Variants in MAN2A1 observed in about 807,000 individuals in gnomAD.
MAN2A1 encodes alpha-mannosidase 2.
MAN2A1 carries 76 observed loss-of-function variants against 142.6 expected under a neutral mutation model. The observed-to-expected ratio is 0.53, with a 90% CI of 0.44 to 0.65. The LOEUF (loss-of-function observed/expected upper bound fraction) is 0.65. Ranked by LOEUF, MAN2A1 falls within the 30% of genes least tolerant of loss-of-function variation. The pLI is 0.00. For synonymous variants in MAN2A1, 559 were observed against 473.2 expected, an observed-to-expected ratio of 1.18 and a Z score of -2.35; for missense variants, 1,311 against 1,365.1, an observed-to-expected ratio of 0.96 and a Z score of 0.62.
intron 4 of MAN2A1, among the ~76,000 whole-genome samples, chr5:109,732,265 C>T (rs1751936907): frequency 6.6e-6 from 1 of 151,016 alleles, no homozygotes; most frequent in African/African-American, 2.4e-5. Flanking sequence ...GATATTAGCC[C>T]TTTGTCAGAT....
rs151152265 is a variant in MAN2A1 at position 109,836,368 on chromosome 5, G to A, written c.2567-5960G>A. On this transcript the variant is annotated intron_variant, in intron 16 of 21. Transcript: ENST00000261483. ...TGACTTCACATGATCCACCCACCTC[G>A]GCCTCCCAAAGTACTGGAATTACAG... 9.7e-3 allele frequency among the ~76,000 whole-genome samples: 1,471 copies of A among 151,286 alleles called. 23 individuals are homozygous for A. Among genetic ancestry groups the A allele is most frequent in the African/African-American group, 0.034 (1,386 of 41,182 alleles).
At chr5:109,749,114 G>A (rs79356121) in intron 4 of MAN2A1, among the ~76,000 whole-genome samples, 4,609 of 152,044 alleles carry the variant, frequency 0.03, 86 homozygotes, top group Non-Finnish European at 0.042. Flanking sequence ...AATTCAGCTG[G>A]TTTTCTCATG....
intron 4 of MAN2A1, among the ~76,000 whole-genome samples, chr5:109,735,830 A>G (rs1465666877): frequency 6.7e-6 from 1 of 148,544 alleles, no homozygotes; most frequent in East Asian, 2.0e-4. Context: ...TGATGTAAAC[A>G]TTTAAAGATA....
At chr5:109,784,653 T>G (rs1265923848) in intron 9 of MAN2A1, 91 bp from the exon 10 acceptor site, 41 of 1,007,946 alleles carry the variant, frequency 4.1e-5, no homozygotes, top group Non-Finnish European at 5.5e-5. Flanking sequence ...AATTATGGAT[T>G]AAAAAATTTG....
At chr5:109,780,870 C>G (rs1258010000) in intron 8 of MAN2A1, among the ~76,000 whole-genome samples, 2 of 152,062 alleles carry the variant, frequency 1.3e-5, no homozygotes, top group Non-Finnish European at 1.5e-5. Context: ...ACCTGCTGTT[C>G]TTAAAGTCCC....
chr5:109,707,364 T>C (rs1751163010), intron 1 of MAN2A1, among the ~76,000 whole-genome samples: 1 of 152,198 alleles, frequency 6.6e-6, no homozygotes, highest in Non-Finnish European at 1.5e-5. Context: ...GAAAAAAATG[T>C]TACATGCCAT....
chr5:109,755,454 T>G lies in MAN2A1; in HGVS notation c.833T>G (p.Ile278Arg). ...IEGHQWLENN[I>R]GVKPRSGWAI... Reference sequence around the variant, plus strand: ...GGACATCAGTGGCTGGAAAATAATATAGGTATGTATTGGTATATTCTTTAT... The same window carrying G: ...GGACATCAGTGGCTGGAAAATAATAGAGGTATGTATTGGTATATTCTTTAT... Residue 278 changes from isoleucine to arginine, a missense_variant and splice_region_variant, in exon 5 of 22, where the codon ATA becomes AGA. This residue lies in a region of MAN2A1 where 409 missense variants were observed against 412.7 expected (regional missense o/e 0.99). Coordinates refer to ENST00000261483, the MANE Select transcript of MAN2A1 (RefSeq NM_002372.4). 6.2e-7 allele frequency: 1 copy of G among 1,610,376 alleles called. No individual in the cohort carries two copies. The highest frequency in any genetic ancestry group is 8.5e-7 in the Non-Finnish European group (1 of 1,177,066).
intron 6 of MAN2A1, among the ~76,000 whole-genome samples, chr5:109,769,499 C>T (rs772146588): frequency 3.9e-5 from 6 of 152,006 alleles, no homozygotes; most frequent in East Asian, 1.9e-4. Context: ...AAATAAAGGG[C>T]GGGGGCTATT....
intron 12 of MAN2A1, among the ~76,000 whole-genome samples, chr5:109,808,734 C>T (rs1327939912): frequency 1.4e-5 from 2 of 142,828 alleles, no homozygotes; most frequent in African/African-American, 5.2e-5. Flanking sequence ...GACAGAGTCT[C>T]ACCCTGTCAC....
At chr5:109,744,444 T>C (rs1752347398) in intron 4 of MAN2A1, among the ~76,000 whole-genome samples, 1 of 152,040 alleles carries the variant, frequency 6.6e-6, no homozygotes, top group South Asian at 2.1e-4. Flanking sequence ...CAAGGGCATG[T>C]TTGAACATCT....
intron 3 of MAN2A1, among the ~76,000 whole-genome samples, chr5:109,724,139 C>T (rs1284789017): frequency 6.6e-6 from 1 of 152,068 alleles, no homozygotes; most frequent in East Asian, 1.9e-4. Context: ...GTATGTTACC[C>T]CATAAGTATA....
intron 10 of MAN2A1, among the ~76,000 whole-genome samples, chr5:109,786,749 C>G (rs1379333169): frequency 1.3e-5 from 2 of 151,998 alleles, no homozygotes; most frequent in Non-Finnish European, 2.9e-5. Flanking sequence ...GGACTGATGA[C>G]TACTATTCAT....
At chr5:109,780,698 A>G (rs1753433316) in intron 8 of MAN2A1, among the ~76,000 whole-genome samples, 1 of 152,182 alleles carries the variant, frequency 6.6e-6, no homozygotes, top group African/African-American at 2.4e-5. Context: ...GATTTGTAGA[A>G]TAGTTTGAAC....
chr5:109,817,679 C>T (rs1754503217), intron 13 of MAN2A1, among the ~76,000 whole-genome samples: 1 of 151,986 alleles, frequency 6.6e-6, no homozygotes, highest in Non-Finnish European at 1.5e-5. Context: ...ATATGTTGTT[C>T]ATATGTATAT....
At chr5:109,820,174 A>G (rs749956199) in intron 14 of MAN2A1, 46 bp from the exon 15 acceptor site, 28 of 1,508,856 alleles carry the variant, frequency 1.9e-5, no homozygotes, top group Non-Finnish European at 2.5e-5. Flanking sequence ...AACATGCTTA[A>G]CATCTTAGTG....
At chr5:109,808,260 G>T (rs1185456261) in intron 12 of MAN2A1, among the ~76,000 whole-genome samples, 2 of 151,974 alleles carry the variant, frequency 1.3e-5, no homozygotes, top group East Asian at 1.9e-4. Flanking sequence ...TGTTGTTATT[G>T]TTCTGAATTT....
In MAN2A1 at chr5:109,728,743, A is replaced by G. The variant is rs1751817852; in HGVS notation, c.536-599A>G. On this transcript the variant is annotated intron_variant, in intron 3 of 21. Transcript: ENST00000261483. ...TTAGTGTTACTTTGTGCTTCTAAGG[A>G]ATTGAATAATGAACAGCTTTTGGGA... 2.6e-5 allele frequency among the ~76,000 whole-genome samples: 4 copies of G among 152,196 alleles called. 1 individual carries two copies. In the South Asian group the frequency reaches 8.3e-4, roughly 31 times the overall value.
intron 1 of MAN2A1, among the ~76,000 whole-genome samples, chr5:109,709,478 G>C (rs1261654939): frequency 6.6e-6 from 1 of 152,208 alleles, no homozygotes; most frequent in East Asian, 1.9e-4. Context: ...AGTTTTCCAG[G>C]AAGGCAGGAG....
At chr5:109,790,438 G>T (rs1753709077) in intron 12 of MAN2A1, among the ~76,000 whole-genome samples, 1 of 151,876 alleles carries the variant, frequency 6.6e-6, no homozygotes, top group Admixed American at 6.6e-5. Context: ...GAGACATAAG[G>T]TGTATACAGC....
Sources: gnomAD v4.1 joint callset for allele counts (sites outside exome capture counted in the v4.1 genomes callset) on GRCh38, gnomAD v4.1.1 for gene constraint, gnomAD v4.1.1 regional missense constraint, MANE v1.5 for transcripts, NCBI Gene and HGNC (gene_info 2026-07-23, HGNC 2026-07-21) for gene names.